The following SLC24A2 variants were observed in gnomAD, a reference collection of about 807,000 sequenced individuals.
The protein encoded by SLC24A2 is solute carrier family 24 member 2.
A neutral mutation model predicts 62.0 loss-of-function variants in SLC24A2; 36 were observed. The observed-to-expected ratio is 0.58, with a 90% confidence interval of 0.44 to 0.77. SLC24A2 has a LOEUF of 0.77. Ranked by LOEUF, SLC24A2 falls within the 30% of genes least tolerant of loss-of-function variation. The pLI, the probability that SLC24A2 is intolerant of heterozygous loss-of-function variation, is 0.00. For missense variants in SLC24A2, 846 were observed against 817.9 expected (o/e 1.03, Z -0.42); for synonymous variants, 358 against 294.0 (o/e 1.22, Z -2.23).
rs143897158 is a variant in SLC24A2, at chr9:19,663,957, C to A, written c.931-41658G>T. On this transcript the variant is annotated intron_variant, in intron 2 of 10. Coordinates refer to ENST00000341998, the MANE Select transcript of SLC24A2 (RefSeq NM_020344.4). Reference sequence around the variant, plus strand: ...TCCTTCTAATAAGCAGGTGGATGGACGAAAGCAAAAGAGATGGCAAAGCTG... The same window carrying A: ...TCCTTCTAATAAGCAGGTGGATGGAAGAAAGCAAAAGAGATGGCAAAGCTG... Among the ~76,000 whole-genome samples the A allele has an allele frequency of 2.3e-4, 35 of 152,302 alleles. No homozygotes were observed. The East Asian group carries it at 6.6e-3, about 29-fold the overall frequency.
the SLC24A2 span, among the ~76,000 whole-genome samples, chr9:20,245,634 G>A: frequency 6.6e-6 from 1 of 152,186 alleles, no homozygotes; most frequent in Non-Finnish European, 1.5e-5. Context: ...TTCAGATGTT[G>A]TGTTAAAAGG....
the SLC24A2 span, among the ~76,000 whole-genome samples, chr9:20,214,129 C>T: frequency 6.6e-6 from 1 of 152,142 alleles, no homozygotes; most frequent in Non-Finnish European, 1.5e-5. Context: ...GGTGTTTCCA[C>T]ACCTTGACTA....
At chr9:19,734,064 T>C (rs1289338152) in intron 2 of SLC24A2, among the ~76,000 whole-genome samples, 1 of 152,154 alleles carries the variant, frequency 6.6e-6, no homozygotes, top group East Asian at 1.9e-4. Flanking sequence ...TTTAGGGATG[T>C]TCTTAACTAC....
chr9:20,216,113 CCTT>C, the SLC24A2 span, among the ~76,000 whole-genome samples: 1 of 152,160 alleles, frequency 6.6e-6, no homozygotes, highest in Non-Finnish European at 1.5e-5. Context: ...GTTTTTTTCT[CCTT>C]CTCTATTTCC....
chr9:19,513,094 A>G lies in SLC24A2; in HGVS notation c.*3059T>C, dbSNP rs547798603. 1.3e-5 allele frequency: 2 copies of G among 149,538 alleles called. No homozygotes were observed. Among genetic ancestry groups the G allele is most frequent in the South Asian group, 2.1e-4 (1 of 4,680 alleles). The allele number at this position is 149,538 out of a possible 1,614,324, so 9.3% of individuals were successfully genotyped here. A position where few individuals can be genotyped will look rare whatever the true frequency, so the allele number is the denominator to read the frequency against. ...CCTGCTTTAGAATCCTGAATGTGAT[A>G]GGGTCAGAGGGTGATGATGTAAGTC... On this transcript the variant is annotated 3_prime_UTR_variant, in exon 11 of 11. Coordinates refer to ENST00000341998, the MANE Select transcript of SLC24A2 (RefSeq NM_020344.4).
chr9:19,794,708 C>T, the SLC24A2 span, among the ~76,000 whole-genome samples: 1 of 152,050 alleles, frequency 6.6e-6, no homozygotes. Context: ...CCGATGCCAG[C>T]AGGGACTTCC....
the SLC24A2 span, among the ~76,000 whole-genome samples, chr9:20,122,296 G>A: frequency 1.3e-5 from 2 of 152,228 alleles, no homozygotes; most frequent in Non-Finnish European, 2.9e-5. Flanking sequence ...ACATCCGATA[G>A]TTCTGCACAC....
At chr9:19,706,915 C>A (rs1023392969) in intron 2 of SLC24A2, among the ~76,000 whole-genome samples, 3 of 151,636 alleles carry the variant, frequency 2.0e-5, no homozygotes, top group African/African-American at 7.3e-5. Context: ...CAGAGCAGAA[C>A]TGAAGGAAAT....
the SLC24A2 span, among the ~76,000 whole-genome samples, chr9:19,924,369 T>C: frequency 2.6e-5 from 4 of 152,172 alleles, no homozygotes; most frequent in Non-Finnish European, 5.9e-5. Context: ...ATGGCTGCTT[T>C]TGGGGGAGTC....
At chr9:20,060,082 C>A in the SLC24A2 span, among the ~76,000 whole-genome samples, 1 of 151,896 alleles carries the variant, frequency 6.6e-6, no homozygotes, top group Non-Finnish European at 1.5e-5. Context: ...TGAAAACATA[C>A]AAATAATTAA....
chr9:19,944,070 T>C, the SLC24A2 span, among the ~76,000 whole-genome samples: 4 of 152,134 alleles, frequency 2.6e-5, no homozygotes, highest in Non-Finnish European at 4.4e-5. Context: ...TGGGTAATCA[T>C]GGACATAAAG....
At chr9:19,709,018 C>G (rs1489058390) in intron 2 of SLC24A2, among the ~76,000 whole-genome samples, 2 of 151,994 alleles carry the variant, frequency 1.3e-5, no homozygotes, top group Non-Finnish European at 2.9e-5. Flanking sequence ...TGACAAAGGG[C>G]TAATATCCAG....
the SLC24A2 span, chr9:19,895,769 C>T: frequency 5.8e-6 from 9 of 1,562,044 alleles, no homozygotes; most frequent in East Asian, 1.4e-4. Context: ...TCCCACCCTC[C>T]ATCTCCTCAT....
chr9:19,580,198 C>G (rs560013967), intron 5 of SLC24A2, among the ~76,000 whole-genome samples: 1 of 152,354 alleles, frequency 6.6e-6, no homozygotes, highest in South Asian at 2.1e-4. Flanking sequence ...GCAACTCAAC[C>G]TCCCTCCTAG....
chr9:20,268,865 AACT>A, the SLC24A2 span, among the ~76,000 whole-genome samples: 2 of 152,278 alleles, frequency 1.3e-5, no homozygotes, highest in East Asian at 3.9e-4. Flanking sequence ...TGTGTGGAGG[AACT>A]ACGAAAGAGA....
rs914131372 is a variant in SLC24A2, at chr9:19,622,168, T to C, written c.969+93A>G. On this transcript the variant is annotated intron_variant, in intron 3 of 10. Transcript: ENST00000341998. ...TTAAGTATTCCAAGGGAGAGAGTAATGTGTTGAGCACACAAACCCGTCTCA... is the reference window on the plus strand; with the variant it reads ...TTAAGTATTCCAAGGGAGAGAGTAACGTGTTGAGCACACAAACCCGTCTCA... 6 of 956,450 alleles carry C rather than the reference T, an allele frequency of 6.3e-6. No homozygotes were observed. The African/African-American group carries it at 8.0e-5, about 13-fold the overall frequency. The allele number at this position is 956,450 out of a possible 1,614,324, so 59.2% of individuals were successfully genotyped here.
At chr9:19,686,834 T>C (rs982104504) in intron 2 of SLC24A2, among the ~76,000 whole-genome samples, 1 of 152,138 alleles carries the variant, frequency 6.6e-6, no homozygotes, top group South Asian at 2.1e-4. Context: ...TACACATGTG[T>C]ATGTTCATTG....
intron 2 of SLC24A2, among the ~76,000 whole-genome samples, chr9:19,651,233 C>T (rs988188898): frequency 3.3e-5 from 5 of 152,068 alleles, no homozygotes; most frequent in South Asian, 4.1e-4. Context: ...TATAAAGATG[C>T]GAATACTTAT....
the SLC24A2 span, among the ~76,000 whole-genome samples, chr9:20,102,651 T>C: frequency 6.6e-6 from 1 of 151,886 alleles, no homozygotes; most frequent in African/African-American, 2.4e-5. Flanking sequence ...ATAATACTTT[T>C]TAAAATGCAC....
Sources: allele counts gnomAD v4.1 joint callset (sites outside exome capture counted in the v4.1 genomes callset), GRCh38; gene constraint gnomAD v4.1.1; transcripts MANE v1.5; gene names NCBI Gene and HGNC (gene_info 2026-07-23, HGNC 2026-07-21).